Variants in PCGF6 observed in about 807,000 individuals in gnomAD.
The protein encoded by PCGF6 is polycomb group ring finger 6.
In PCGF6, 24 loss-of-function variants were observed where a neutral mutation model predicts 45.5. The observed-to-expected ratio is 0.53, with a 90% CI of 0.38 to 0.74. PCGF6 has a LOEUF of 0.74. PCGF6 is among the 30% of genes least tolerant of loss of function. The pLI is 0.00. For missense variants in PCGF6, 356 were observed against 443.2 expected (o/e 0.80, Z 1.77); for synonymous variants, 152 against 162.1 (o/e 0.94, Z 0.47).
Position 103,350,871 on chromosome 10 carries a change from G to T in PCGF6, c.196C>A (p.Pro66Thr). 6.5e-7 allele frequency: 1 copy of T among 1,538,562 alleles called. No homozygotes were observed. The highest frequency in any genetic ancestry group is 1.2e-5 in the South Asian group (1 of 82,894). Residue 66 changes from proline (P) to threonine (T), a missense_variant, in exon 1 of 10, where the codon CCG becomes ACG. This residue lies in a region of PCGF6 where 307 missense variants were observed against 350.1 expected (regional missense o/e 0.88). Coordinates refer to ENST00000369847, the MANE Select transcript of PCGF6 (RefSeq NM_001011663.2). ...CSGSRPPELE[P>T]ERSLGRFRGR... ...CTGAAGCGGCCCAGGCTGCGCTCCGGCTCCAGCTCAGGGGGCCGGGAGCCG... is the reference window on the plus strand; with the variant it reads ...CTGAAGCGGCCCAGGCTGCGCTCCGTCTCCAGCTCAGGGGGCCGGGAGCCG...
At chr10:103,312,253 C>T (rs568961381) in intron 9 of PCGF6, among the ~76,000 whole-genome samples, 82 of 151,308 alleles carry the variant, frequency 5.4e-4, no homozygotes, top group African/African-American at 1.9e-3. Context: ...ATTAGCCAGG[C>T]GTGGTGGCAG....
intron 8 of PCGF6, among the ~76,000 whole-genome samples, chr10:103,315,867 CTACTA>C (rs971231846): frequency 3.3e-5 from 5 of 152,002 alleles, no homozygotes; most frequent in African/African-American, 4.8e-5. Context: ...TATTAAGACT[CTACTA>C]TACTTACTTG....
rs2093317708 is a variant in PCGF6, at chr10:103,350,700, T to C, written c.360+7A>G. On this transcript the variant is annotated splice_region_variant and intron_variant, in intron 1 of 9. Transcript: ENST00000369847. ...GCCCAGCGGGGTCGCGCGGGGGCTC[T>C]AAATACCTCCTCCTCGTCCTCCGAG... The C allele has an allele frequency of 2.7e-6, 4 of 1,495,012 alleles. No homozygotes were observed. Among genetic ancestry groups the C allele is most frequent in the Non-Finnish European group, 1.8e-6 (2 of 1,118,126 alleles). The allele number at this position is 1,495,012 out of a possible 1,614,324, so 92.6% of individuals were successfully genotyped here.
chr10:103,350,767 G>A lies in PCGF6; in HGVS notation c.300C>T (p.Asp100=), dbSNP rs1487932948. Residue 100 remains aspartate, a synonymous_variant, in exon 1 of 10, where the codon GAC becomes GAT. Coordinates refer to ENST00000369847, the MANE Select transcript of PCGF6 (RefSeq NM_001011663.2). ...CCAGCCTCAACGAGAAGTGACTCAT[G>A]TCCTCCTCCTCCTCCTCTTCTTCCT... The part of the protein sequence containing the change: ...LEEEEEEEEE[D]MSHFSLRLEG... The A allele has an allele frequency of 1.9e-6, 3 of 1,563,688 alleles. No individual in the cohort carries two copies. The highest frequency in any genetic ancestry group is 1.9e-5 in the Admixed American group (1 of 52,318).
intron 1 of PCGF6, 102 bp downstream of exon 1, chr10:103,350,605 G>A: frequency 1.7e-6 from 2 of 1,185,468 alleles, no homozygotes; most frequent in Non-Finnish European, 2.2e-6. Flanking sequence ...TGCTCCGCGC[G>A]GCGGCGGCGC....
intron 8 of PCGF6, among the ~76,000 whole-genome samples, chr10:103,320,645 G>A (rs1329097473): frequency 6.6e-6 from 1 of 151,780 alleles, no homozygotes; most frequent in African/African-American, 2.4e-5. Context: ...CGACATCATC[G>A]CACCATTGCA....
chr10:103,350,620 G>C, intron 1 of PCGF6, 87 bp downstream of exon 1: 1 of 1,298,882 alleles, frequency 7.7e-7, no homozygotes. Flanking sequence ...CGGCGCACTA[G>C]GATCGGGCCG....
At chr10:103,323,383 G>A (rs1054708403) in intron 8 of PCGF6, among the ~76,000 whole-genome samples, 2 of 150,902 alleles carry the variant, frequency 1.3e-5, no homozygotes, top group Admixed American at 6.6e-5. Flanking sequence ...TGCAACCTCC[G>A]CCTCCTGGGT....
chr10:103,303,833 T>G lies in PCGF6; in HGVS notation c.*72A>C. The G allele has an allele frequency of 7.6e-7, 1 of 1,316,836 alleles. No homozygotes were observed. 81.6% of individuals were successfully genotyped at this position (1,316,836 alleles called of 1,614,324 possible). A position where few individuals can be genotyped will look rare whatever the true frequency, so the allele number is the denominator to read the frequency against. ...GCAAAGTGGTAGCAATTACATTTCA[T>G]GGAAATCTTTGGTGAGATGCAGTCC... On this transcript the variant is annotated 3_prime_UTR_variant, in exon 10 of 10. Transcript: ENST00000369847.
At chr10:103,309,386 G>C (rs1225737645) in intron 9 of PCGF6, among the ~76,000 whole-genome samples, 2 of 152,128 alleles carry the variant, frequency 1.3e-5, no homozygotes, top group East Asian at 3.9e-4. Flanking sequence ...AGTGAATAAG[G>C]TCTTGTGTGA....
chr10:103,339,223 G>A (rs979814958), intron 6 of PCGF6, among the ~76,000 whole-genome samples: 3 of 151,832 alleles, frequency 2.0e-5, no homozygotes, highest in Non-Finnish European at 4.4e-5. Context: ...AGACCAGCTT[G>A]GGCAATATGG....
chr10:103,337,068 T>C (rs751657830), intron 6 of PCGF6, among the ~76,000 whole-genome samples: 10 of 152,138 alleles, frequency 6.6e-5, no homozygotes, highest in Non-Finnish European at 1.3e-4. Flanking sequence ...AATATTTTTG[T>C]TCCTTCTGCT....
At chr10:103,327,875 C>T (rs79679985) in intron 7 of PCGF6, among the ~76,000 whole-genome samples, 2 of 149,512 alleles carry the variant, frequency 1.3e-5, no homozygotes, top group East Asian at 2.0e-4. Context: ...GATAGGGTTT[C>T]ACTGTTAGCC....
At chr10:103,311,449 T>C (rs966606446) in intron 9 of PCGF6, among the ~76,000 whole-genome samples, 70 of 145,698 alleles carry the variant, frequency 4.8e-4, no homozygotes, top group Non-Finnish European at 4.4e-4. Flanking sequence ...GCCTCTCTCT[T>C]TTTTTTTTTT....
chr10:103,314,023 T>C (rs2093166347), intron 9 of PCGF6, among the ~76,000 whole-genome samples, 163 bp downstream of exon 9: 1 of 152,186 alleles, frequency 6.6e-6, no homozygotes, highest in African/African-American at 2.4e-5. Flanking sequence ...CTTAGAACAG[T>C]ACCTGACACA....
intron 6 of PCGF6, among the ~76,000 whole-genome samples, chr10:103,340,194 A>ATAT (rs1313278844): frequency 9.2e-4 from 98 of 106,494 alleles, no homozygotes; most frequent in East Asian, 3.8e-3. Context: ...AAAAAAAAAA[A>ATAT]AAAAATATAT....
At chr10:103,311,149 C>A (rs1438637989) in intron 9 of PCGF6, among the ~76,000 whole-genome samples, 1 of 151,846 alleles carries the variant, frequency 6.6e-6, no homozygotes, top group Non-Finnish European at 1.5e-5. Context: ...AATCACTTTT[C>A]TTTTCTTTTT....
chr10:103,349,325 A>T (rs779175900), intron 1 of PCGF6, among the ~76,000 whole-genome samples: 6 of 151,554 alleles, frequency 4.0e-5, no homozygotes, highest in Non-Finnish European at 8.8e-5. Context: ...TAGGATTACA[A>T]GCATGAGCCA....
At chr10:103,322,622 A>G (rs868019255) in intron 8 of PCGF6, among the ~76,000 whole-genome samples, 9 of 151,578 alleles carry the variant, frequency 5.9e-5, no homozygotes, top group African/African-American at 2.2e-4. Flanking sequence ...GGAGTTTGAG[A>G]CCAGCCTGGG....
Sources: gnomAD v4.1 joint callset for allele counts (sites outside exome capture counted in the v4.1 genomes callset) on GRCh38, gnomAD v4.1.1 for gene constraint, gnomAD v4.1.1 regional missense constraint, MANE v1.5 for transcripts, NCBI Gene and HGNC (gene_info 2026-07-23, HGNC 2026-07-21) for gene names.